ATXN7L3: variants seen among roughly 807,000 people sequenced by gnomAD.
The protein encoded by ATXN7L3 is ataxin-7-like protein 3.
ATXN7L3 carries 6 observed loss-of-function variants against 50.0 expected under a neutral mutation model. The ratio of observed to expected loss-of-function variants is 0.12; its 90% CI spans 0.07 to 0.24. The LOEUF (loss-of-function observed/expected upper bound fraction) is 0.24, where lower values mean the gene tolerates loss of function less well. Ranked by LOEUF, ATXN7L3 falls within the 10% of genes least tolerant of loss-of-function variation. The pLI is 1.00. For synonymous variants in ATXN7L3, 198 were observed against 165.8 expected (o/e 1.19, Z -1.49); for missense variants, 322 against 451.3 (o/e 0.71, Z 2.60).
chr17:44,197,653 G>A lies in ATXN7L3; in HGVS notation c.129C>T (p.Val43=). The change falls in exon 3 of 13, where the codon GTC becomes GTT. Residue 43 remains valine (V), a synonymous_variant. Transcript: ENST00000587097. ...CGTCCAAGAAGAAGTAGCCACACTT[G>A]ACAGCCCGGTGTACCTCAAAGCAGA... ...LGFCFEVHRA[V]KCGYFFLDDT... is the part of the protein sequence containing the mutation. 1.2e-6 allele frequency: 2 copies of A among 1,614,238 alleles called. No individual in the cohort carries two copies. Among genetic ancestry groups the A allele is most frequent in the Non-Finnish European group, 1.7e-6 (2 of 1,180,048 alleles).
chr17:44,194,321 T>C lies in ATXN7L3; in HGVS notation c.986A>G (p.Lys329Arg). The C allele has an allele frequency of 6.2e-7, 1 of 1,614,212 alleles. No individual in the cohort carries two copies. The highest frequency in any genetic ancestry group is 8.5e-7 in the Non-Finnish European group (1 of 1,180,042). Residue 329 changes from lysine (K) to arginine (R), a missense_variant, in exon 13 of 13, where the codon AAG (lysine) becomes AGG (arginine). Physicochemically the swap from Lys to Arg is conservative, Grantham distance 26. This residue lies in a region of ATXN7L3 where 122 missense variants were observed against 130.8 expected (regional missense o/e 0.93). Coordinates refer to ENST00000587097, the MANE Select transcript of ATXN7L3 (RefSeq NM_001382309.1). Reference protein sequence around the residue: ...GTASGLGSNKKKKPKPPAPPT... With the variant: ...GTASGLGSNKRKKPKPPAPPT... ...GGGTGCCGGTGGCTTTGGCTTCTTC[T>C]TCTTGTTGGAACCTAGGCCGGAGGC...
At chr17:44,194,441 G>C (rs1442719574) in intron 12 of ATXN7L3, 30 bp from the exon 13 acceptor site, 1 of 1,613,728 alleles carries the variant, frequency 6.2e-7, no homozygotes, top group Non-Finnish European at 8.5e-7. Flanking sequence ...AGGGATGAGA[G>C]TATGGTTATG....
chr17:44,199,384 G>A (rs1301026260), intron 1 of ATXN7L3, 112 bp downstream of exon 1: 1 of 150,184 alleles, frequency 6.7e-6, no homozygotes, highest in African/African-American at 2.4e-5. Context: ...GGAGGGGAAG[G>A]GGCGCTGACC....
At chr17:44,198,600 A>C (rs532115248) in intron 1 of ATXN7L3, 1 of 153,840 alleles carries the variant, frequency 6.5e-6, no homozygotes, top group East Asian at 1.9e-4. Flanking sequence ...TGCTACCAGA[A>C]GTAGAAATGG....
At position 44,199,621 on chromosome 17, in the gene ATXN7L3, AGGGCCCG is replaced by A. The variant is rs1286994978; in HGVS notation, c.-193_-187del. The stretch of plus-strand genomic sequence containing the variant: ...CCGTCCTCGCCTCTCCCCGGGGCCC[AGGGCCCG>A]GGGCCGGGGGGTCGGGCCGCCCCCC... On this transcript the variant is annotated 5_prime_UTR_variant, in exon 1 of 13. Coordinates refer to ENST00000587097, the MANE Select transcript of ATXN7L3 (RefSeq NM_001382309.1). The A allele has an allele frequency of 1.4e-5, 2 of 141,856 alleles. No homozygotes were observed. Among genetic ancestry groups the A allele is most frequent in the Non-Finnish European group, 3.1e-5 (2 of 64,328 alleles). The allele number at this position is 141,856 out of a possible 1,614,324, so 8.8% of individuals were successfully genotyped here. A position where few individuals can be genotyped will look rare whatever the true frequency, so the allele number is the denominator to read the frequency against.
At position 44,195,065 on chromosome 17, in the gene ATXN7L3, C is replaced by T. The variant is rs377196067; in HGVS notation, c.665+32G>A. The T allele has an allele frequency of 3.0e-5, 49 of 1,612,236 alleles. No individual in the cohort carries two copies. The African/African-American group carries it at 3.9e-4, about 13-fold the overall frequency. ...ATGCCCATGGTGAGTGTGCAGGAAG[C>T]GCCTGGCCCCCTTTCTAGGTTCTGT... On this transcript the variant is annotated intron_variant, in intron 10 of 12. Coordinates refer to ENST00000587097, the MANE Select transcript of ATXN7L3 (RefSeq NM_001382309.1).
At chr17:44,195,009 C>T in intron 10 of ATXN7L3, 88 bp downstream of exon 10, 1 of 1,530,898 alleles carries the variant, frequency 6.5e-7, no homozygotes, top group Non-Finnish European at 9.0e-7. Flanking sequence ...GCAGGAGCCC[C>T]ATTGCTCAAG....
At position 44,191,877 on chromosome 17, in the gene ATXN7L3, T is replaced by TA; in HGVS notation, c.*2385dup. 3.2e-6 allele frequency: 1 copy of TA among 316,704 alleles called. No homozygotes were observed. Among genetic ancestry groups the TA allele is most frequent in the Non-Finnish European group, 4.6e-6 (1 of 218,814 alleles). The allele number at this position is 316,704 out of a possible 1,614,324, so 19.6% of individuals were successfully genotyped here. ...AGGGAATACACAGCGTTTACAAAGT[T>TA]AGCTACCTGTACAGAATGGATTACA... On this transcript the variant is annotated 3_prime_UTR_variant, in exon 13 of 13. Transcript: ENST00000587097.
Position 44,196,297 on chromosome 17 carries a change from A to G in ATXN7L3, c.477+99T>C. ...CAAAGACACCCTCAAGCCCCCAATG[A>G]CCTCAGCCTTGAGTCATGACACTCG... On this transcript the variant is annotated intron_variant, in intron 6 of 12. Transcript: ENST00000587097. 3 of 1,427,824 alleles carry G rather than the reference A, an allele frequency of 2.1e-6. No homozygotes were observed. The South Asian group carries it at 3.5e-5, about 17-fold the overall frequency. The allele number at this position is 1,427,824 out of a possible 1,614,324, so 88.4% of individuals were successfully genotyped here.
At position 44,193,667 on chromosome 17, in the gene ATXN7L3, G is replaced by C. The variant is rs1163140490; in HGVS notation, c.*596C>G. 3.3e-5 allele frequency: 5 copies of C among 152,688 alleles called. No homozygotes were observed. The highest frequency in any genetic ancestry group is 3.3e-4 in the Admixed American group (5 of 15,306). 9.5% of individuals were successfully genotyped at this position (152,688 alleles called of 1,614,324 possible). A position where few individuals can be genotyped will look rare whatever the true frequency, so the allele number is the denominator to read the frequency against. ...GAAAGGGCTGCCCCTGTGAGGGGCA[G>C]GGAAGGTGGCGGCAGTTCTGGACGC... On this transcript the variant is annotated 3_prime_UTR_variant, in exon 13 of 13. Coordinates refer to ENST00000587097, the MANE Select transcript of ATXN7L3 (RefSeq NM_001382309.1).
intron 5 of ATXN7L3, 63 bp from the exon 6 acceptor site, chr17:44,196,481 A>C: frequency 9.8e-4 from 1,567 of 1,594,016 alleles, no homozygotes; most frequent in Non-Finnish European, 1.2e-3. Context: ...AAAGCATCTC[A>C]AGAAAACCAT....
chr17:44,195,492 A>C lies in ATXN7L3; in HGVS notation c.553-5T>G, dbSNP rs2055849936. 6.2e-7 allele frequency: 1 copy of C among 1,613,554 alleles called. No homozygotes were observed. Among genetic ancestry groups the C allele is most frequent in the East Asian group, 2.2e-5 (1 of 44,880 alleles). ...GATCCCAGTTGAATTGTTATACTGC[A>C]GGACAACCAGAGGTACAGGTTAGAG... On this transcript the variant is annotated splice_polypyrimidine_tract_variant and splice_region_variant and intron_variant, in intron 8 of 12. Coordinates refer to ENST00000587097, the MANE Select transcript of ATXN7L3 (RefSeq NM_001382309.1).
At chr17:44,197,571 C>T (rs1245899593) in intron 3 of ATXN7L3, 27 bp downstream of exon 3, 2 of 1,614,008 alleles carry the variant, frequency 1.2e-6, no homozygotes, top group African/African-American at 1.3e-5. Flanking sequence ...AAGGGCTGGA[C>T]TGCTGCTCCT....
intron 8 of ATXN7L3, 29 bp downstream of exon 8, chr17:44,195,771 A>T (rs375960207): frequency 2.2e-5 from 35 of 1,580,542 alleles, no homozygotes; most frequent in Non-Finnish European, 3.0e-5. Flanking sequence ...GGACAATGAG[A>T]GCAAGCATGA....
chr17:44,198,816 A>T (rs981155692), intron 1 of ATXN7L3: 1 of 152,256 alleles, frequency 6.6e-6, no homozygotes, highest in Non-Finnish European at 1.5e-5. Flanking sequence ...TCCTTTAAAT[A>T]ACCACCCGCC....
chr17:44,197,531 C>T, intron 3 of ATXN7L3, 67 bp downstream of exon 3: 2 of 1,609,538 alleles, frequency 1.2e-6, no homozygotes, highest in Non-Finnish European at 1.7e-6. Context: ...GCACAGTTTC[C>T]AGAGAAGGAA....
At chr17:44,198,159 G>GT (rs2055990967) in intron 1 of ATXN7L3, 29 bp from the exon 2 acceptor site, 3 of 1,335,756 alleles carry the variant, frequency 2.2e-6, no homozygotes, top group Non-Finnish European at 3.2e-6. Flanking sequence ...GGGTGTTGTT[G>GT]TGAGTCCAAG....
At position 44,192,352 on chromosome 17, in the gene ATXN7L3, T is replaced by G. The variant is rs1232169387; in HGVS notation, c.*1911A>C. On this transcript the variant is annotated 3_prime_UTR_variant, in exon 13 of 13. Coordinates refer to ENST00000587097, the MANE Select transcript of ATXN7L3 (RefSeq NM_001382309.1). The stretch of plus-strand genomic sequence containing the variant: ...GGGGAAGTTTATGTGGACAAACCAG[T>G]TCCCAAGCTACTTCCCACTTCTCCC... 6.6e-6 allele frequency: 1 copy of G among 152,266 alleles called. No individual in the cohort carries two copies. Among genetic ancestry groups the G allele is most frequent in the African/African-American group, 2.4e-5 (1 of 41,440 alleles). 9.4% of individuals were successfully genotyped at this position (152,266 alleles called of 1,614,324 possible). A position where few individuals can be genotyped will look rare whatever the true frequency, so the allele number is the denominator to read the frequency against.
rs963642304 is a variant in ATXN7L3 at position 44,192,712 on chromosome 17, A to G, written c.*1551T>C. The G allele has an allele frequency of 6.6e-6, 1 of 152,256 alleles. No homozygotes were observed. Among genetic ancestry groups the G allele is most frequent in the Admixed American group, 6.5e-5 (1 of 15,282 alleles). The allele number at this position is 152,256 out of a possible 1,614,324, so 9.4% of individuals were successfully genotyped here. On this transcript the variant is annotated 3_prime_UTR_variant, in exon 13 of 13. Transcript: ENST00000587097. ...AATTTGCAACCAGGCATGAGCCACA[A>G]TCAGAACCACCCCAGCGGGAGAGCG...
Sources: allele counts gnomAD v4.1 joint callset, GRCh38; gene constraint gnomAD v4.1.1; regional missense constraint gnomAD v4.1.1; transcripts MANE v1.5; gene names NCBI Gene and HGNC (gene_info 2026-07-23, HGNC 2026-07-21).